The following DNAH5 variants were observed in gnomAD, a reference collection of about 807,000 sequenced individuals.
DNAH5 encodes dynein axonemal heavy chain 5.
In DNAH5, 372 loss-of-function variants were observed where a neutral mutation model predicts 518.2. The ratio of observed to expected loss-of-function variants is 0.72; its 90% CI spans 0.66 to 0.78. The LOEUF is 0.78. Among genes scored for constraint, DNAH5 ranks in the 30% least tolerant of loss-of-function variants. The pLI is 0.00. For synonymous variants in DNAH5, 2,039 were observed against 2,025.9 expected, an observed-to-expected ratio of 1.01 and a Z score of -0.17; for missense variants, 5,523 against 5,687.0, an observed-to-expected ratio of 0.97 and a Z score of 0.93.
chr5:13,879,487 T>C (rs2151933503), intron 21 of DNAH5, among the ~76,000 whole-genome samples: 1 of 151,876 alleles, frequency 6.6e-6, no homozygotes, highest in Non-Finnish European at 1.5e-5. Context: ...CATTATAAAG[T>C]CAAAAAAAAT....
chr5:13,784,457 C>T (rs574732478), intron 52 of DNAH5, among the ~76,000 whole-genome samples: 1 of 152,300 alleles, frequency 6.6e-6, no homozygotes, highest in African/African-American at 2.4e-5. Context: ...GCCAAGTGCC[C>T]TCGTGCTGGG....
chr5:13,918,904 G>GAT (rs975966823), intron 7 of DNAH5, among the ~76,000 whole-genome samples: 16 of 152,160 alleles, frequency 1.1e-4, no homozygotes, highest in East Asian at 9.6e-4. Flanking sequence ...ATAAAACATA[G>GAT]ATATATATAT....
At chr5:13,723,639 C>T (rs1436773833) in intron 70 of DNAH5, among the ~76,000 whole-genome samples, 3 of 152,172 alleles carry the variant, frequency 2.0e-5, no homozygotes, top group Admixed American at 2.0e-4. Context: ...CAGTCATAGG[C>T]ACACAAATAA....
intron 15 of DNAH5, among the ~76,000 whole-genome samples, chr5:13,896,367 T>C (rs997754359): frequency 6.6e-6 from 1 of 152,134 alleles, no homozygotes; most frequent in Non-Finnish European, 1.5e-5. Context: ...TCTTCCTTTC[T>C]GGTCCTGAGC....
chr5:13,865,228 C>T (rs1769063203), intron 27 of DNAH5, among the ~76,000 whole-genome samples: 2 of 151,906 alleles, frequency 1.3e-5, no homozygotes, highest in Admixed American at 6.6e-5. Context: ...CTCCTGACCT[C>T]GTGATCTGCC....
At chr5:13,897,252 C>T (rs1430825304) in intron 15 of DNAH5, among the ~76,000 whole-genome samples, 3 of 152,114 alleles carry the variant, frequency 2.0e-5, no homozygotes, top group East Asian at 1.9e-4. Context: ...TGGTTCTATT[C>T]GCAGCTACTT....
At chr5:13,770,365 G>A (rs188430346) in intron 56 of DNAH5, among the ~76,000 whole-genome samples, 6 of 152,258 alleles carry the variant, frequency 3.9e-5, no homozygotes, top group South Asian at 2.1e-4. Context: ...GTCTGCATTC[G>A]CAACTCCCGT....
chr5:13,973,873 T>C (rs1782047615), intron 1 of DNAH5, among the ~76,000 whole-genome samples: 1 of 152,158 alleles, frequency 6.6e-6, no homozygotes, highest in African/African-American at 2.4e-5. Flanking sequence ...AACCTCAAAA[T>C]ACTTCTGCAA....
At chr5:13,776,770 G>A in intron 54 of DNAH5, 64 bp from the exon 55 acceptor site, 1 of 1,550,062 alleles carries the variant, frequency 6.5e-7, no homozygotes. Flanking sequence ...AAAATGTAGA[G>A]CTTAATACAC....
In DNAH5 at chr5:13,808,225, CAAAAAAAAA is replaced by C. The variant is rs56686032; in HGVS notation, c.7753-509_7753-501del. Among the ~76,000 whole-genome samples, 11 of 86,354 alleles carry C rather than the reference CAAAAAAAAA, an allele frequency of 1.3e-4. No individual in the cohort carries two copies. In the East Asian group the frequency reaches 1.9e-3, roughly 15 times the overall value. The allele number at this position is 86,354 out of a possible 152,430, so 56.7% of individuals were successfully genotyped here. On this transcript the variant is annotated intron_variant, in intron 46 of 78. Coordinates refer to ENST00000265104, the MANE Select transcript of DNAH5 (RefSeq NM_001369.3). ...AACCTGGGTGACAGAGACTCCATCT[CAAAAAAAAA>C]AAAAAAAAAAAAAAGAGGAAATTTG...
chr5:13,900,130 T>C lies in DNAH5; in HGVS notation c.2259+76A>G, dbSNP rs1037957865. 2.3e-6 allele frequency: 3 copies of C among 1,314,396 alleles called. No homozygotes were observed. The African/African-American group carries it at 4.4e-5, about 19-fold the overall frequency. 81.4% of individuals were successfully genotyped at this position (1,314,396 alleles called of 1,614,324 possible). A position where few individuals can be genotyped will look rare whatever the true frequency, so the allele number is the denominator to read the frequency against. The stretch of plus-strand genomic sequence containing the variant: ...CTGGCCACTTTCTGCTCCTTGAATA[T>C]GACACATCACCATATTTTTTTATAA... On this transcript the variant is annotated intron_variant, in intron 15 of 78. Transcript: ENST00000265104.
intron 1 of DNAH5, among the ~76,000 whole-genome samples, chr5:14,007,357 C>A (rs1397865780): frequency 1.3e-5 from 2 of 151,150 alleles, no homozygotes; most frequent in African/African-American, 4.9e-5. Flanking sequence ...GTTTTTTTTT[C>A]CAATGTCCAA....
In DNAH5 at chr5:13,923,306, C is replaced by T. The variant is rs1198674256; in HGVS notation, c.412G>A (p.Ala138Thr). The change falls in exon 4 of 79, where the codon GCC becomes ACC. Residue 138 changes from alanine to threonine, a missense_variant. Physicochemically the swap from Ala to Thr is moderately conservative, Grantham distance 58 (BLOSUM62 0). Coordinates refer to ENST00000265104, the MANE Select transcript of DNAH5 (RefSeq NM_001369.3). The stretch of plus-strand genomic sequence containing the variant: ...TGGTGGATGTTGTCAGGGGTGATGG[C>T]TTTGGAAGGGTCAGTCCTGATGAAG... Reference protein sequence around the residue: ...VFFIRTDPSKAITPDNIHQEV... With the variant: ...VFFIRTDPSKTITPDNIHQEV... 1.2e-6 allele frequency: 2 copies of T among 1,614,054 alleles called. No individual in the cohort carries two copies. The highest frequency in any genetic ancestry group is 1.7e-5 in the Admixed American group (1 of 60,014).
intron 1 of DNAH5, among the ~76,000 whole-genome samples, chr5:13,967,682 T>C (rs1265846713): frequency 6.6e-6 from 1 of 152,200 alleles, no homozygotes; most frequent in African/African-American, 2.4e-5. Flanking sequence ...TATGGGCTCT[T>C]TTTTGGTTCT....
chr5:13,815,887 G>T (rs1761383357), intron 42 of DNAH5, among the ~76,000 whole-genome samples: 1 of 152,176 alleles, frequency 6.6e-6, no homozygotes, highest in Non-Finnish European at 1.5e-5. Flanking sequence ...CTGTGGGACT[G>T]GGTAAGTTTC....
intron 1 of DNAH5, among the ~76,000 whole-genome samples, chr5:13,960,657 T>C (rs1271197825): frequency 2.6e-5 from 4 of 152,218 alleles, no homozygotes; most frequent in Non-Finnish European, 5.9e-5. Flanking sequence ...AACTTGGCTG[T>C]GCCTCTCTTC....
At chr5:13,725,212 T>C (rs1745561984) in intron 70 of DNAH5, among the ~76,000 whole-genome samples, 1 of 152,212 alleles carries the variant, frequency 6.6e-6, no homozygotes, top group South Asian at 2.1e-4. Flanking sequence ...CATGAAAGTA[T>C]GAAACTGATT....
rs571217321 is a variant in DNAH5, at chr5:13,771,328, T to C, written c.9374-348A>G. ...ATGGTACAAATAACTCAGAAATCAGTGCCCACCTGGTACTCATATTTAACA... is the reference window on the plus strand; with the variant it reads ...ATGGTACAAATAACTCAGAAATCAGCGCCCACCTGGTACTCATATTTAACA... On this transcript the variant is annotated intron_variant, in intron 55 of 78. Coordinates refer to ENST00000265104, the MANE Select transcript of DNAH5 (RefSeq NM_001369.3). 5.2e-4 allele frequency: 163 copies of C among 311,320 alleles called. 3 individuals are homozygous for C. The highest frequency in any genetic ancestry group is 4.3e-5 in the Non-Finnish European group (7 of 163,930). The allele number at this position is 311,320 out of a possible 1,614,324, so 19.3% of individuals were successfully genotyped here.
rs756620147 is a variant in DNAH5 at position 13,917,272 on chromosome 5, A to T, written c.976-16T>A. ...CCCGCCAAGTCTAAGCACAATAGGG[A>T]AAAGCAATTTTAATGTAATTATTAA... On this transcript the variant is annotated splice_polypyrimidine_tract_variant and intron_variant, in intron 7 of 78. Transcript: ENST00000265104. 2 of 1,587,356 alleles carry T rather than the reference A, an allele frequency of 1.3e-6. No individual in the cohort carries two copies. The highest frequency in any genetic ancestry group is 1.7e-6 in the Non-Finnish European group (2 of 1,156,306).
Sources: gnomAD v4.1 joint callset for allele counts (sites outside exome capture counted in the v4.1 genomes callset) on GRCh38, gnomAD v4.1.1 for gene constraint, MANE v1.5 for transcripts, NCBI Gene and HGNC (gene_info 2026-07-23, HGNC 2026-07-21) for gene names.